ZFAND3: variants seen among roughly 807,000 people sequenced by gnomAD.
ZFAND3 encodes the protein AN1-type zinc finger protein 3.
ZFAND3 carries 10 observed loss-of-function variants against 29.6 expected under a neutral mutation model. That is an observed-to-expected ratio of 0.34 (90% confidence interval 0.21 to 0.57). ZFAND3 has a LOEUF of 0.57. ZFAND3 is among the 20% of genes least tolerant of loss of function. The pLI, the probability that ZFAND3 is intolerant of heterozygous loss-of-function variation, is 0.86. For missense variants in ZFAND3, 230 were observed against 304.5 expected (o/e 0.76, Z 1.82); for synonymous variants, 128 against 112.6 (o/e 1.14, Z -0.87).
chr6:38,123,731 C>T (rs1414744108), intron 5 of ZFAND3, among the ~76,000 whole-genome samples: 3 of 151,998 alleles, frequency 2.0e-5, no homozygotes, highest in Admixed American at 6.6e-5. Flanking sequence ...GTGAGTGTTA[C>T]GGTTCTTAAA....
intron 2 of ZFAND3, among the ~76,000 whole-genome samples, chr6:37,946,934 A>AAAAGCTCTGGAGATGGATGTT (rs1453559637): frequency 3.9e-5 from 6 of 152,166 alleles, no homozygotes. Context: ...GAAGATGAAA[A>AAAAGCTCTGGAGATGGATGTT]AAAGCTCTGG....
chr6:37,860,207 T>A (rs1764460005), intron 1 of ZFAND3, among the ~76,000 whole-genome samples: 1 of 145,074 alleles, frequency 6.9e-6, no homozygotes, highest in African/African-American at 2.6e-5. Flanking sequence ...GGAATGTACC[T>A]GTAAACCCAA....
In ZFAND3 at chr6:38,114,274, C is replaced by T. The variant is rs76808460; in HGVS notation, c.362-2298C>T. 5.7e-3 allele frequency among the ~76,000 whole-genome samples: 874 copies of T among 152,280 alleles called. 8 individuals carry two copies. The highest frequency in any genetic ancestry group is 0.02 in the African/African-American group (836 of 41,562). On this transcript the variant is annotated intron_variant, in intron 4 of 5. Coordinates refer to ENST00000287218, the MANE Select transcript of ZFAND3 (RefSeq NM_021943.3). The stretch of plus-strand genomic sequence containing the variant: ...ATTGCTGGTTTGTGTAAAAGGACCC[C>T]GCCCGCAGAGAGCAGTGTGGCTCAT...
chr6:38,099,367 A>G (rs988681056), intron 4 of ZFAND3, among the ~76,000 whole-genome samples: 5 of 152,148 alleles, frequency 3.3e-5, no homozygotes, highest in African/African-American at 9.7e-5. Context: ...CTCCCACTAT[A>G]TATGTATAAT....
intron 1 of ZFAND3, among the ~76,000 whole-genome samples, chr6:37,875,655 G>C (rs1764779420): frequency 6.7e-6 from 1 of 148,404 alleles, no homozygotes; most frequent in Non-Finnish European, 1.5e-5. Flanking sequence ...TTTTTAAATA[G>C]AGATGAAGTC....
chr6:38,098,504 C>CTT (rs199755000), intron 4 of ZFAND3, among the ~76,000 whole-genome samples: 27 of 143,888 alleles, frequency 1.9e-4, no homozygotes, highest in African/African-American at 4.6e-4. Context: ...TATTGCCCAT[C>CTT]TTTTTTTTTT....
At chr6:37,985,529 C>CCCA (rs1762656548) in intron 2 of ZFAND3, among the ~76,000 whole-genome samples, 1 of 89,700 alleles carries the variant, frequency 1.1e-5, no homozygotes, top group Admixed American at 1.1e-4. Flanking sequence ...ACACACACAC[C>CCCA]CCCACACACG....
At chr6:38,072,406 A>G (rs1411887111) in intron 3 of ZFAND3, among the ~76,000 whole-genome samples, 1 of 152,132 alleles carries the variant, frequency 6.6e-6, no homozygotes, top group South Asian at 2.1e-4. Context: ...TTCAAACTAG[A>G]TTTTCAAGCA....
intron 5 of ZFAND3, among the ~76,000 whole-genome samples, chr6:38,144,198 TATA>T (rs1224915314): frequency 2.5e-5 from 1 of 40,260 alleles, no homozygotes; most frequent in East Asian, 3.4e-4. Flanking sequence ...TATATATATA[TATA>T]TATATATATA....
intron 1 of ZFAND3, among the ~76,000 whole-genome samples, chr6:37,923,861 C>T (rs898085119): frequency 1.3e-5 from 2 of 152,018 alleles, no homozygotes; most frequent in African/African-American, 4.8e-5. Context: ...AAAATGAACA[C>T]CTGTGAACAT....
intron 1 of ZFAND3, among the ~76,000 whole-genome samples, chr6:37,900,496 G>C (rs1452154996): frequency 6.6e-6 from 1 of 152,118 alleles, no homozygotes; most frequent in Non-Finnish European, 1.5e-5. Context: ...TTGAGTTGTT[G>C]CAATTTTCAT....
chr6:38,024,013 C>T (rs577191372), intron 2 of ZFAND3, among the ~76,000 whole-genome samples: 1 of 152,082 alleles, frequency 6.6e-6, no homozygotes, highest in Non-Finnish European at 1.5e-5. Flanking sequence ...CTGAACAAAA[C>T]AGTGAGATAC....
chr6:37,962,587 T>C (rs532364695), intron 2 of ZFAND3, among the ~76,000 whole-genome samples: 1 of 152,308 alleles, frequency 6.6e-6, no homozygotes, highest in South Asian at 2.1e-4. Flanking sequence ...TGTGTCTAGC[T>C]AAAGGTTTGT....
At chr6:37,915,520 A>G (rs1010232907) in intron 1 of ZFAND3, 5 of 152,264 alleles carry the variant, frequency 3.3e-5, no homozygotes, top group Admixed American at 6.5e-5. Context: ...GCATTGTAGC[A>G]TTATTGACCT....
At chr6:37,948,571 A>G (rs1027270365) in intron 2 of ZFAND3, among the ~76,000 whole-genome samples, 17 of 152,206 alleles carry the variant, frequency 1.1e-4, no homozygotes, top group Non-Finnish European at 8.8e-5. Context: ...GGTGATAAGC[A>G]TAGTACCCAA....
chr6:37,887,480 A>C (rs1208629045), intron 1 of ZFAND3, among the ~76,000 whole-genome samples: 1 of 152,230 alleles, frequency 6.6e-6, no homozygotes, highest in East Asian at 1.9e-4. Flanking sequence ...TCATAATCAA[A>C]TCAGAACTTA....
At chr6:38,043,281 C>T (rs183424805) in intron 2 of ZFAND3, among the ~76,000 whole-genome samples, 10 of 151,228 alleles carry the variant, frequency 6.6e-5, no homozygotes, top group Non-Finnish European at 8.9e-5. Flanking sequence ...ATGCCCAGCC[C>T]TCTATTCTGT....
At chr6:38,054,698 A>G (rs150980556) in intron 2 of ZFAND3, among the ~76,000 whole-genome samples, 186 of 152,356 alleles carry the variant, frequency 1.2e-3, no homozygotes, top group Non-Finnish European at 2.0e-3. Flanking sequence ...GCCACATTCA[A>G]TAGCTCACAA....
At chr6:38,053,163 A>G (rs1183868384) in intron 2 of ZFAND3, among the ~76,000 whole-genome samples, 2 of 152,198 alleles carry the variant, frequency 1.3e-5, no homozygotes, top group African/African-American at 4.8e-5. Flanking sequence ...CAGTGGCATC[A>G]AATGTGGCTG....
Sources: allele counts gnomAD v4.1 joint callset (sites outside exome capture counted in the v4.1 genomes callset), GRCh38; gene constraint gnomAD v4.1.1; transcripts MANE v1.5; gene names NCBI Gene and HGNC (gene_info 2026-07-23, HGNC 2026-07-21).